The following PYROXD1 variants were observed in gnomAD, a reference collection of about 807,000 sequenced individuals.
PYROXD1 encodes pyridine nucleotide-disulphide oxidoreductase domain 1.
In PYROXD1, 42 loss-of-function variants were observed where a neutral mutation model predicts 62.0. The ratio of observed to expected loss-of-function variants is 0.68; its 90% confidence interval spans 0.53 to 0.88. The LOEUF is 0.88. Among genes scored for constraint, PYROXD1 ranks in the 40% least tolerant of loss-of-function variants. The pLI is 0.00. For missense variants in PYROXD1, 493 were observed against 604.8 expected, an observed-to-expected ratio of 0.82 and a Z score of 1.94; for synonymous variants, 170 against 206.4, an observed-to-expected ratio of 0.82 and a Z score of 1.51.
At chr12:21,456,827 C>CT in intron 7 of PYROXD1, 1 of 444,748 alleles carries the variant, frequency 2.2e-6, no homozygotes, top group Admixed American at 2.5e-5. Flanking sequence ...ACTGCTTTAC[C>CT]AAGTATATGT....
At position 21,451,075 on chromosome 12, in the gene PYROXD1, G is replaced by C. The variant is rs528640011; in HGVS notation, c.415-1006G>C. 4.3e-4 allele frequency among the ~76,000 whole-genome samples: 66 copies of C among 152,018 alleles called. 1 individual carries two copies. The South Asian group carries it at 0.013, about 31-fold the overall frequency. ...AATAAACTTCAGTTGTTTTTTTCTT[G>C]GAGAATTTTAAAGATGTCAGCTTCA... On this transcript the variant is annotated intron_variant, in intron 4 of 11. Coordinates refer to ENST00000240651, the MANE Select transcript of PYROXD1 (RefSeq NM_024854.5).
intron 10 of PYROXD1, among the ~76,000 whole-genome samples, chr12:21,465,677 C>G (rs1942779897): frequency 6.6e-6 from 1 of 151,960 alleles, no homozygotes; most frequent in African/African-American, 2.4e-5. Flanking sequence ...GTAATTAGAT[C>G]CCATTTGTTA....
intron 9 of PYROXD1, 24 bp downstream of exon 9, chr12:21,462,144 G>C: frequency 7.5e-7 from 1 of 1,333,132 alleles, no homozygotes; most frequent in South Asian, 1.2e-5. Flanking sequence ...TTTTTGTCCA[G>C]CTGTGAATAT....
intron 3 of PYROXD1, chr12:21,448,340 G>A (rs975648996): frequency 3.5e-6 from 1 of 288,666 alleles, no homozygotes; most frequent in African/African-American, 2.2e-5. Context: ...ACATTTTTTA[G>A]TGAATTAGAG....
In PYROXD1 at chr12:21,456,288, G is replaced by T. The variant is rs4388943; in HGVS notation, c.750+193G>T. Reference sequence around the variant, plus strand: ...AAAGAAAACTGAATGTCAAAGCATCGAAGACTGGATCTCAGCCTACGTTTT... The same window carrying T: ...AAAGAAAACTGAATGTCAAAGCATCTAAGACTGGATCTCAGCCTACGTTTT... On this transcript the variant is annotated intron_variant, in intron 7 of 11. Transcript: ENST00000240651. Among the ~76,000 whole-genome samples, 74,820 of 151,796 alleles carry T rather than the reference G, an allele frequency of 0.49. 18,496 individuals carry two copies. Among genetic ancestry groups the T allele is most frequent in the Middle Eastern group, 0.59 (171 of 292 alleles).
At chr12:21,448,063 C>A in intron 3 of PYROXD1, 2 of 557,178 alleles carry the variant, frequency 3.6e-6, no homozygotes, top group East Asian at 3.1e-5. Context: ...GTTTCATTCT[C>A]AGCAAACTGA....
At chr12:21,451,029 C>A (rs915339413) in intron 4 of PYROXD1, among the ~76,000 whole-genome samples, 1 of 152,150 alleles carries the variant, frequency 6.6e-6, no homozygotes, top group African/African-American at 2.4e-5. Context: ...ATTGCAATAT[C>A]CTCAATGAAG....
intron 7 of PYROXD1, among the ~76,000 whole-genome samples, chr12:21,458,573 T>C (rs942072678): frequency 3.3e-5 from 5 of 152,148 alleles, no homozygotes; most frequent in Non-Finnish European, 2.9e-5. Context: ...ATTGCTACCT[T>C]TTGATTTAAA....
chr12:21,446,710 G>A (rs924685005), intron 3 of PYROXD1, among the ~76,000 whole-genome samples: 5 of 151,938 alleles, frequency 3.3e-5, no homozygotes, highest in Non-Finnish European at 7.4e-5. Context: ...CTAGAAGTTC[G>A]ACTCTAGCCT....
At position 21,467,573 on chromosome 12, in the gene PYROXD1, C is replaced by G; in HGVS notation, c.1209C>G (p.Phe403Leu). Residue 403 changes from phenylalanine (F) to leucine (L), a missense_variant, in exon 11 of 12, where the codon TTC becomes TTG. Transcript: ENST00000240651. ...ASSGDSIDMD[F>L]SFELFAHVTK... The stretch of plus-strand genomic sequence containing the variant: ...CAGGAGACTCTATTGACATGGATTT[C>G]AGCTTTGAACTGTTTGCTCATGTGA... 1 of 1,612,236 alleles carries G rather than the reference C, an allele frequency of 6.2e-7. No homozygotes were observed. The highest frequency in any genetic ancestry group is 8.5e-7 in the Non-Finnish European group (1 of 1,179,034).
Position 21,469,017 on chromosome 12 carries a change from A to G in PYROXD1, c.*263A>G. The G allele has an allele frequency of 3.2e-6, 1 of 310,600 alleles. No homozygotes were observed. Among genetic ancestry groups the G allele is most frequent in the Non-Finnish European group, 6.0e-6 (1 of 167,234 alleles). The allele number at this position is 310,600 out of a possible 1,614,324, so 19.2% of individuals were successfully genotyped here. A position where few individuals can be genotyped will look rare whatever the true frequency, so the allele number is the denominator to read the frequency against. ...ATTTATTTCTGTGTTTTAAACATAA[A>G]TATGTTTACTTGTGATTTAGCTTTG... On this transcript the variant is annotated 3_prime_UTR_variant, in exon 12 of 12. Coordinates refer to ENST00000240651, the MANE Select transcript of PYROXD1 (RefSeq NM_024854.5).
At chr12:21,461,351 A>G (rs1440145978) in intron 8 of PYROXD1, among the ~76,000 whole-genome samples, 197 bp downstream of exon 8, 1 of 152,198 alleles carries the variant, frequency 6.6e-6, no homozygotes, top group East Asian at 1.9e-4. Context: ...ATTAAATCGT[A>G]TAGGGCATTA....
chr12:21,459,923 G>A (rs1942663342), intron 7 of PYROXD1, among the ~76,000 whole-genome samples: 1 of 152,160 alleles, frequency 6.6e-6, no homozygotes, highest in Non-Finnish European at 1.5e-5. Context: ...GGTCACTTCA[G>A]ATGCATGCAG....
chr12:21,440,264 G>T, intron 1 of PYROXD1, 104 bp from the exon 2 acceptor site: 1 of 638,330 alleles, frequency 1.6e-6, no homozygotes, highest in Non-Finnish European at 2.7e-6. Flanking sequence ...TAATTTTCTA[G>T]ATTAATTACA....
At chr12:21,463,288 C>T (rs1192887805) in intron 10 of PYROXD1, among the ~76,000 whole-genome samples, 4 of 151,986 alleles carry the variant, frequency 2.6e-5, no homozygotes, top group African/African-American at 9.7e-5. Context: ...TATGTGGCTA[C>T]GATGTTGGAC....
At chr12:21,454,921 T>C (rs1026898239) in intron 5 of PYROXD1, 1 of 338,598 alleles carries the variant, frequency 3.0e-6, no homozygotes, top group Non-Finnish European at 5.4e-6. Context: ...AAAGGTTCTT[T>C]CTGTAAACTG....
chr12:21,456,935 AAAC>A (rs1345673726), intron 7 of PYROXD1: 1 of 445,916 alleles, frequency 2.2e-6, no homozygotes, highest in Admixed American at 2.5e-5. Flanking sequence ...CATCCATGAG[AAAC>A]AACAACTCAT....
intron 7 of PYROXD1, among the ~76,000 whole-genome samples, chr12:21,457,344 GA>G (rs1942616320): frequency 6.6e-6 from 1 of 152,076 alleles, no homozygotes; most frequent in African/African-American, 2.4e-5. Context: ...TAGCAGGCAT[GA>G]AAACAACATT....
chr12:21,470,789 A>T lies in PYROXD1; in HGVS notation c.*2035A>T, dbSNP rs1346232870. On this transcript the variant is annotated 3_prime_UTR_variant, in exon 12 of 12. Transcript: ENST00000240651. ...AGTTTATGTTAAAAGGCCAGTCTAA[A>T]TTCTTTCACTTACATCTTTACAGAA... 2 of 425,974 alleles carry T rather than the reference A, an allele frequency of 4.7e-6. No homozygotes were observed. Among genetic ancestry groups the T allele is most frequent in the Non-Finnish European group, 7.8e-6 (2 of 256,772 alleles). 26.4% of individuals were successfully genotyped at this position (425,974 alleles called of 1,614,324 possible).
Sources: allele counts gnomAD v4.1 joint callset (sites outside exome capture counted in the v4.1 genomes callset), GRCh38; gene constraint gnomAD v4.1.1; transcripts MANE v1.5; gene names NCBI Gene and HGNC (gene_info 2026-07-23, HGNC 2026-07-21).